The following ADD3 variants were observed in gnomAD, a reference collection of about 807,000 sequenced individuals.
The protein encoded by ADD3 is gamma-adducin.
Under a neutral mutation model 80.2 loss-of-function variants are expected in ADD3, and 25 were observed. That is an observed-to-expected ratio of 0.31 (90% CI 0.23 to 0.44). The LOEUF is 0.44. ADD3 is among the 20% of genes least tolerant of loss of function. The pLI is 1.00. For missense variants in ADD3, 829 were observed against 847.5 expected (o/e 0.98, Z 0.27); for synonymous variants, 284 against 289.6 (o/e 0.98, Z 0.20).
At chr10:110,028,943 G>A (rs1239546618) in intron 1 of ADD3, among the ~76,000 whole-genome samples, 3 of 149,798 alleles carry the variant, frequency 2.0e-5, no homozygotes, top group Non-Finnish European at 3.0e-5. Context: ...GCAATGGCAC[G>A]ATCTCGGCTC....
At chr10:110,106,862 T>A (rs1055644952) in intron 2 of ADD3, among the ~76,000 whole-genome samples, 1 of 152,154 alleles carries the variant, frequency 6.6e-6, no homozygotes, top group East Asian at 1.9e-4. Context: ...TCAATGAGGA[T>A]GAATTTCTTA....
intron 1 of ADD3, among the ~76,000 whole-genome samples, chr10:110,049,270 GGAGAACCTCTGCTA>G (rs1383915736): frequency 2.2e-4 from 34 of 152,324 alleles, no homozygotes; most frequent in Non-Finnish European, 4.1e-4. Context: ...GGGCCGTCAT[GGAGAACCTCTGCTA>G]GAGCAGTGCA....
chr10:110,133,373 G>C lies in ADD3; in HGVS notation c.1876G>C (p.Val626Leu). The C allele has an allele frequency of 6.2e-7, 1 of 1,607,900 alleles. No individual in the cohort carries two copies. Among genetic ancestry groups the C allele is most frequent in the South Asian group, 1.1e-5 (1 of 90,710 alleles). The change falls in exon 15 of 15, where the codon GTC becomes CTC. Residue 626 changes from valine to leucine, a missense_variant. Coordinates refer to ENST00000356080, the MANE Select transcript of ADD3 (RefSeq NM_016824.5). Reference protein sequence around the residue: ...SKSFISMEVPVMVVNGKDDMH... With the variant: ...SKSFISMEVPLMVVNGKDDMH... ...GAGCTTCATCTCCATGGAAGTGCCT[G>C]TCATGGTAGTAAATGGCAAGGATGA...
chr10:110,056,352 T>C (rs182021544), intron 1 of ADD3, among the ~76,000 whole-genome samples: 357 of 152,362 alleles, frequency 2.3e-3, no homozygotes, highest in Non-Finnish European at 4.0e-3. Flanking sequence ...ATTCCTTTAA[T>C]GATTAATTTT....
At chr10:110,047,087 G>A (rs1856988168) in intron 1 of ADD3, among the ~76,000 whole-genome samples, 1 of 152,102 alleles carries the variant, frequency 6.6e-6, no homozygotes, top group African/African-American at 2.4e-5. Context: ...TATTTTAAAA[G>A]CCATGCTATT....
chr10:110,016,929 GA>G (rs1853072435), intron 1 of ADD3, among the ~76,000 whole-genome samples: 1 of 152,108 alleles, frequency 6.6e-6, no homozygotes, highest in Non-Finnish European at 1.5e-5. Flanking sequence ...TTGAAAATAT[GA>G]ATTGAAAGGA....
intron 1 of ADD3, among the ~76,000 whole-genome samples, chr10:109,999,230 T>C (rs1036498482): frequency 3.9e-5 from 6 of 152,232 alleles, no homozygotes; most frequent in African/African-American, 1.4e-4. Context: ...ACAGATTTGT[T>C]TGCTACTCTA....
In ADD3 at chr10:110,134,822, G is replaced by A. The variant is rs183484809; in HGVS notation, c.*1204G>A. 6 of 152,604 alleles carry A rather than the reference G, an allele frequency of 3.9e-5. No individual in the cohort carries two copies. In the South Asian group the frequency reaches 8.3e-4, roughly 21 times the overall value. 9.5% of individuals were successfully genotyped at this position (152,604 alleles called of 1,614,324 possible). A position where few individuals can be genotyped will look rare whatever the true frequency, so the allele number is the denominator to read the frequency against. ...AAGGGTCAAATCTTTCTAATTTTTTGTATCTTTAGAGGGCAGCACTAGAAG... is the reference window on the plus strand; with the variant it reads ...AAGGGTCAAATCTTTCTAATTTTTTATATCTTTAGAGGGCAGCACTAGAAG... On this transcript the variant is annotated 3_prime_UTR_variant, in exon 15 of 15. Coordinates refer to ENST00000356080, the MANE Select transcript of ADD3 (RefSeq NM_016824.5).
Position 110,112,818 on chromosome 10 carries a change from G to A in ADD3, c.237G>A (p.Met79Ile). The A allele has an allele frequency of 6.2e-7, 1 of 1,614,092 alleles. No individual in the cohort carries two copies. Among genetic ancestry groups the A allele is most frequent in the South Asian group, 1.1e-5 (1 of 91,064 alleles). Residue 79 changes from methionine (M) to isoleucine (I), a missense_variant, in exon 3 of 15, where the codon ATG becomes ATA. Coordinates refer to ENST00000356080, the MANE Select transcript of ADD3 (RefSeq NM_016824.5). ...EDLECLIQEQ[M>I]KKGHNPTGLL... is the part of the protein sequence containing the mutation. Reference sequence around the variant, plus strand: ...TGGAATGCCTTATTCAAGAACAGATGAAGAAAGGCCACAACCCAACTGGAT... The same window carrying A: ...TGGAATGCCTTATTCAAGAACAGATAAAGAAAGGCCACAACCCAACTGGAT...
intron 2 of ADD3, among the ~76,000 whole-genome samples, chr10:110,107,778 G>A (rs530996353): frequency 2.0e-5 from 3 of 152,246 alleles, no homozygotes; most frequent in East Asian, 1.9e-4. Flanking sequence ...AGTACAGCAC[G>A]CAGCACGTAG....
At position 110,044,313 on chromosome 10, in the gene ADD3, G is replaced by A. The variant is rs140563103; in HGVS notation, c.-30+36014G>A. Among the ~76,000 whole-genome samples, 167 of 152,250 alleles carry A rather than the reference G, an allele frequency of 1.1e-3. 1 individual carries two copies. In the East Asian group the frequency reaches 0.03, roughly 27 times the overall value. Reference sequence around the variant, plus strand: ...AGGACAGCTTATGTGAGAATTTGTCGCTTTATATTATTGTGTCTTCTGGCC... The same window carrying A: ...AGGACAGCTTATGTGAGAATTTGTCACTTTATATTATTGTGTCTTCTGGCC... On this transcript the variant is annotated intron_variant, in intron 1 of 14. Coordinates refer to ENST00000356080, the MANE Select transcript of ADD3 (RefSeq NM_016824.5).
intron 1 of ADD3, among the ~76,000 whole-genome samples, chr10:110,050,294 C>G (rs1030712147): frequency 1.3e-5 from 2 of 151,970 alleles, no homozygotes; most frequent in Non-Finnish European, 2.9e-5. Flanking sequence ...TAGGAGGGAC[C>G]CAGTGGGAGA....
intron 1 of ADD3, among the ~76,000 whole-genome samples, chr10:110,071,479 G>A (rs1014579903): frequency 8.5e-5 from 13 of 152,082 alleles, no homozygotes; most frequent in Non-Finnish European, 1.3e-4. Flanking sequence ...TGAATATTTC[G>A]TATATTGTGG....
intron 1 of ADD3, among the ~76,000 whole-genome samples, chr10:110,023,895 C>T (rs1453389128): frequency 6.6e-6 from 1 of 152,128 alleles, no homozygotes; most frequent in Non-Finnish European, 1.5e-5. Context: ...ATTGCATTAT[C>T]CCAAGCAAAT....
intron 1 of ADD3, among the ~76,000 whole-genome samples, chr10:110,094,237 T>C (rs938224576): frequency 2.0e-5 from 3 of 152,204 alleles, no homozygotes; most frequent in African/African-American, 7.2e-5. Flanking sequence ...TTCTTTCTTA[T>C]ATTTCATTGA....
chr10:110,108,069 G>A (rs1182403187), intron 2 of ADD3, among the ~76,000 whole-genome samples: 1 of 152,112 alleles, frequency 6.6e-6, no homozygotes, highest in Non-Finnish European at 1.5e-5. Flanking sequence ...CTTCTCTAGT[G>A]GAGACTCCAG....
upstream of ADD3, among the ~76,000 whole-genome samples, chr10:110,002,735 A>G (rs1182632998): frequency 2.6e-5 from 4 of 152,236 alleles, no homozygotes; most frequent in African/African-American, 9.6e-5. Context: ...GAGAACAAAC[A>G]CTTAAAAAAA....
chr10:110,066,632 G>GT (rs889298978), intron 1 of ADD3, among the ~76,000 whole-genome samples: 12 of 151,624 alleles, frequency 7.9e-5, no homozygotes, highest in East Asian at 1.9e-4. Context: ...AACATTCTGG[G>GT]TTTTTTTTGT....
At chr10:110,048,092 T>G (rs530961950) in intron 1 of ADD3, among the ~76,000 whole-genome samples, 128 of 152,300 alleles carry the variant, frequency 8.4e-4, no homozygotes, top group African/African-American at 3.0e-3. Flanking sequence ...TCCCTCATCC[T>G]GTTCTTGTGG....
Sources: allele counts gnomAD v4.1 joint callset (sites outside exome capture counted in the v4.1 genomes callset), GRCh38; gene constraint gnomAD v4.1.1; transcripts MANE v1.5; gene names NCBI Gene and HGNC (gene_info 2026-07-23, HGNC 2026-07-21).